EBF3: variants seen among roughly 807,000 people sequenced by gnomAD.
EBF3 encodes the protein transcription factor COE3.
Under a neutral mutation model 77.1 loss-of-function variants are expected in EBF3, and 18 were observed. The ratio of observed to expected loss-of-function variants is 0.23; its 90% CI spans 0.16 to 0.35. The LOEUF (loss-of-function observed/expected upper bound fraction) is 0.35, where lower values mean the gene tolerates loss of function less well. EBF3 is among the 10% of genes least tolerant of loss of function. The pLI, the probability that EBF3 is intolerant of heterozygous loss-of-function variation, is 1.00. For missense variants in EBF3, 558 were observed against 860.0 expected (o/e 0.65, Z 4.39); for synonymous variants, 350 against 343.5 (o/e 1.02, Z -0.21).
In EBF3 at chr10:129,963,527, C is replaced by A. The variant is rs756207414; in HGVS notation, c.135-4G>T. 4.6e-6 allele frequency: 7 copies of A among 1,528,250 alleles called. No individual in the cohort carries two copies. The highest frequency in any genetic ancestry group is 6.2e-6 in the Non-Finnish European group (7 of 1,135,280). 94.7% of individuals were successfully genotyped at this position (1,528,250 alleles called of 1,614,324 possible). A position where few individuals can be genotyped will look rare whatever the true frequency, so the allele number is the denominator to read the frequency against. ...CGCCCGCGCCAGCCCCACGCCGCTGCGGGAGGAAAGAGACAGCGGCCCGGT... is the reference window on the plus strand; with the variant it reads ...CGCCCGCGCCAGCCCCACGCCGCTGAGGGAGGAAAGAGACAGCGGCCCGGT... On this transcript the variant is annotated splice_region_variant and splice_polypyrimidine_tract_variant and intron_variant, in intron 1 of 16. Coordinates refer to ENST00000440978, the MANE Select transcript of EBF3 (RefSeq NM_001375380.1). This position sits in a 1 kb window ranked among gnomAD's most constrained non-coding sequence, Gnocchi z 7.1.
At chr10:129,858,678 C>T (rs1851417789) in intron 10 of EBF3, among the ~76,000 whole-genome samples, 1 of 152,140 alleles carries the variant, frequency 6.6e-6, no homozygotes, top group African/African-American at 2.4e-5. Flanking sequence ...TGGAGAAAAA[C>T]CTCGCAGAAT....
At chr10:129,906,085 T>C (rs1268557076) in intron 6 of EBF3, among the ~76,000 whole-genome samples, 1 of 152,226 alleles carries the variant, frequency 6.6e-6, no homozygotes, top group Non-Finnish European at 1.5e-5. Context: ...CAGATTATAA[T>C]TTACACTGTA....
chr10:129,928,194 G>A (rs755650051), intron 6 of EBF3, among the ~76,000 whole-genome samples: 21 of 152,198 alleles, frequency 1.4e-4, no homozygotes, highest in Non-Finnish European at 2.4e-4. Context: ...GTGAAGCATT[G>A]TAAGCTTTAA....
intron 6 of EBF3, among the ~76,000 whole-genome samples, chr10:129,954,142 G>C (rs1179918159): frequency 2.0e-5 from 3 of 152,136 alleles, no homozygotes; most frequent in Non-Finnish European, 4.4e-5. Context: ...TCCTTTACTT[G>C]CATTTGGTTC....
chr10:129,890,165 T>A (rs1045474730), intron 6 of EBF3, among the ~76,000 whole-genome samples: 3 of 152,072 alleles, frequency 2.0e-5, no homozygotes, highest in African/African-American at 7.2e-5. Flanking sequence ...TTTTCATGTA[T>A]AAAATCCTTA....
rs991191516 is a variant in EBF3 at position 129,896,312 on chromosome 10, G to A, written c.555-18463C>T. Among the ~76,000 whole-genome samples the A allele has an allele frequency of 4.6e-5, 7 of 152,352 alleles. No homozygotes were observed. In the South Asian group the frequency reaches 8.3e-4, roughly 18 times the overall value. ...GCAGCCACCATGCAAAAACAAGCCC[G>A]AGCTCAGCTGGTGCTGGGAAGATTC... On this transcript the variant is annotated intron_variant, in intron 6 of 16. Coordinates refer to ENST00000440978, the MANE Select transcript of EBF3 (RefSeq NM_001375380.1).
chr10:129,910,685 GC>G, intron 6 of EBF3, among the ~76,000 whole-genome samples: 1 of 152,008 alleles, frequency 6.6e-6, no homozygotes, highest in East Asian at 1.9e-4. Flanking sequence ...CTCCCCCAGA[GC>G]CCCAGGTATA....
intron 6 of EBF3, among the ~76,000 whole-genome samples, chr10:129,937,609 C>A (rs1220608978): frequency 1.3e-5 from 2 of 152,172 alleles, no homozygotes; most frequent in Non-Finnish European, 2.9e-5. Flanking sequence ...CAACTGAGGC[C>A]ATGGGAAAGA....
chr10:129,839,932 C>T (rs1194405311), intron 15 of EBF3, among the ~76,000 whole-genome samples: 1 of 152,202 alleles, frequency 6.6e-6, no homozygotes, highest in Non-Finnish European at 1.5e-5. Flanking sequence ...GCTACCTTCA[C>T]CACACTCCCG....
chr10:129,867,036 A>T (rs915437821), intron 10 of EBF3, 105 bp downstream of exon 10: 3 of 1,414,366 alleles, frequency 2.1e-6, no homozygotes, highest in Non-Finnish European at 2.8e-6. Flanking sequence ...GTCTTTCCAC[A>T]GACCCCTGCC....
intron 6 of EBF3, among the ~76,000 whole-genome samples, chr10:129,916,486 C>T (rs193040151): frequency 1.3e-4 from 20 of 152,324 alleles, no homozygotes; most frequent in Admixed American, 4.6e-4. Flanking sequence ...AATGATTATC[C>T]GTGCGGGGCA....
At chr10:129,945,297 T>C (rs1412230479) in intron 6 of EBF3, among the ~76,000 whole-genome samples, 1 of 152,106 alleles carries the variant, frequency 6.6e-6, no homozygotes, top group Non-Finnish European at 1.5e-5. Flanking sequence ...TCAGTCTGTA[T>C]AGGATTTCCT....
At chr10:129,889,946 CTTTTTTTTT>C (rs10665456) in intron 6 of EBF3, among the ~76,000 whole-genome samples, 1,307 of 82,858 alleles carry the variant, frequency 0.016, 27 homozygotes, top group African/African-American at 0.062. Context: ...ATTGAAGTGC[CTTTTTTTTT>C]TTTTTTTTTT....
At chr10:129,889,035 G>A (rs144787527) in intron 6 of EBF3, among the ~76,000 whole-genome samples, 4 of 152,296 alleles carry the variant, frequency 2.6e-5, no homozygotes, top group Admixed American at 2.0e-4. Flanking sequence ...CCCTCCAGTC[G>A]GGGTTTGTGC....
At chr10:129,932,442 C>T (rs1310428534) in intron 6 of EBF3, among the ~76,000 whole-genome samples, 2 of 152,198 alleles carry the variant, frequency 1.3e-5, no homozygotes, top group Non-Finnish European at 2.9e-5. Context: ...ACTCTGTGAC[C>T]AATGGCTCCC....
At chr10:129,872,341 T>A (rs1489686347) in intron 8 of EBF3, among the ~76,000 whole-genome samples, 1 of 151,914 alleles carries the variant, frequency 6.6e-6, no homozygotes, top group Non-Finnish European at 1.5e-5. Flanking sequence ...AGGGCGACCT[T>A]TAATTATTAT....
chr10:129,899,129 G>A (rs965415243), intron 6 of EBF3, among the ~76,000 whole-genome samples: 3 of 152,218 alleles, frequency 2.0e-5, no homozygotes, highest in East Asian at 3.9e-4. Flanking sequence ...TCAGAAATCC[G>A]CGCTGCCTTC....
intron 4 of EBF3, among the ~76,000 whole-genome samples, 170 bp downstream of exon 4, chr10:129,962,001 T>C (rs1463389437): frequency 6.6e-6 from 1 of 152,228 alleles, no homozygotes; most frequent in African/African-American, 2.4e-5. Flanking sequence ...ATAAACTATT[T>C]TACCAATCGC....
rs1166191801 is a variant in EBF3 at position 129,885,942 on chromosome 10, G to A, written c.555-8093C>T. Among the ~76,000 whole-genome samples, 8 of 152,120 alleles carry A rather than the reference G, an allele frequency of 5.3e-5. No individual in the cohort carries two copies. The highest frequency in any genetic ancestry group is 3.9e-4 in the East Asian group (2 of 5,186). On this transcript the variant is annotated intron_variant, in intron 6 of 16. Coordinates refer to ENST00000440978, the MANE Select transcript of EBF3 (RefSeq NM_001375380.1). The surrounding 1 kb of genome is among the most constrained non-coding windows in gnomAD (Gnocchi z 4.0). ...GTGTTTTTAGGGATCTGAAGATCAC[G>A]GGAATGCTTCTTTCGCCATCCTGAT...
Sources: gnomAD v4.1 joint callset for allele counts (sites outside exome capture counted in the v4.1 genomes callset) on GRCh38, gnomAD v4.1.1 for gene constraint, Gnocchi (gnomAD v3.1) non-coding constraint, MANE v1.5 for transcripts, NCBI Gene and HGNC (gene_info 2026-07-23, HGNC 2026-07-21) for gene names.